The following NOL4L variants were observed in gnomAD, a reference collection of about 807,000 sequenced individuals.
The protein encoded by NOL4L is nucleolar protein 4 like.
NOL4L carries 7 observed loss-of-function variants against 64.5 expected under a neutral mutation model. That is an observed-to-expected ratio of 0.11 (90% confidence interval 0.06 to 0.20). The LOEUF (loss-of-function observed/expected upper bound fraction) is 0.20. Among genes scored for constraint, NOL4L ranks in the 10% least tolerant of loss-of-function variants. NOL4L has a pLI of 1.00. For missense variants in NOL4L, 680 were observed against 967.1 expected, an observed-to-expected ratio of 0.70 and a Z score of 3.94; for synonymous variants, 413 against 401.0, an observed-to-expected ratio of 1.03 and a Z score of -0.36.
chr20:32,499,905 C>T (rs2016850437), intron 4 of NOL4L, among the ~76,000 whole-genome samples: 1 of 151,902 alleles, frequency 6.6e-6, no homozygotes, highest in African/African-American at 2.4e-5. Flanking sequence ...GTAGCTGCTA[C>T]ATGAATAGTC....
intron 4 of NOL4L, among the ~76,000 whole-genome samples, chr20:32,494,367 TTC>T (rs2016603480): frequency 6.6e-6 from 1 of 150,868 alleles, no homozygotes; most frequent in Non-Finnish European, 1.5e-5. Flanking sequence ...AGGAACTGAG[TTC>T]TGTGTCTGGG....
intron 3 of NOL4L, among the ~76,000 whole-genome samples, chr20:32,514,765 G>A (rs1351499805): frequency 6.6e-6 from 1 of 152,132 alleles, no homozygotes; most frequent in Non-Finnish European, 1.5e-5. Context: ...CACTGAGATG[G>A]TATCGCTCAG....
At chr20:32,539,414 C>T (rs2018614872) in intron 1 of NOL4L, among the ~76,000 whole-genome samples, 2 of 152,168 alleles carry the variant, frequency 1.3e-5, no homozygotes, top group South Asian at 4.2e-4. Flanking sequence ...GGATTCCAGG[C>T]CTCACTCAGC....
chr20:32,481,793 C>T (rs1017402277), intron 4 of NOL4L, among the ~76,000 whole-genome samples: 1 of 152,208 alleles, frequency 6.6e-6, no homozygotes, highest in Admixed American at 6.5e-5. Flanking sequence ...GGGCCTGGGC[C>T]ATAAACGGGC....
intron 1 of NOL4L, among the ~76,000 whole-genome samples, chr20:32,555,285 T>G (rs1251401106): frequency 6.6e-6 from 1 of 152,174 alleles, no homozygotes; most frequent in Non-Finnish European, 1.5e-5. Flanking sequence ...TTAATGTGAC[T>G]GTATTTGTGG....
chr20:32,554,666 C>A (rs1012697333), intron 1 of NOL4L, among the ~76,000 whole-genome samples: 7 of 152,132 alleles, frequency 4.6e-5, no homozygotes, highest in African/African-American at 1.7e-4. Context: ...TTTCTCCTTG[C>A]CTCCCAGGAG....
chr20:32,487,089 T>C (rs2016120690), intron 4 of NOL4L, among the ~76,000 whole-genome samples: 1 of 151,872 alleles, frequency 6.6e-6, no homozygotes, highest in Non-Finnish European at 1.5e-5. Context: ...GCCAACATGG[T>C]GAAACCCAGT....
intron 4 of NOL4L, 188 bp from the exon 5 acceptor site, chr20:32,474,930 G>T: frequency 1.0e-6 from 1 of 985,450 alleles, no homozygotes; most frequent in Non-Finnish European, 1.2e-6. Context: ...CCCGGCTCTG[G>T]TTCCTGTCGG....
At chr20:32,475,033 C>T (rs2015296097) in intron 4 of NOL4L, 14 of 985,468 alleles carry the variant, frequency 1.4e-5, no homozygotes, top group Non-Finnish European at 1.7e-5. Context: ...TGGCTCTTAC[C>T]CTTGTGAGCC....
In NOL4L at chr20:32,488,827, T is replaced by TTCTCTTTCTTTCTTTCTTTC. The variant is rs11483298; in HGVS notation, c.700-14086_700-14085insGAAAGAAAGAAAGAAAGAGA. On this transcript the variant is annotated intron_variant, in intron 4 of 10. Coordinates refer to ENST00000621426, the MANE Select transcript of NOL4L (RefSeq NM_001256798.2). ...TCTTTTTCTTTCTTTCTTTCTTTCTTTTTCTTTCTTTCTTTCTTTCTTTCT... is the reference window on the plus strand; with the variant it reads ...TCTTTTTCTTTCTTTCTTTCTTTCTTTCTCTTTCTTTCTTTCTTTCTTTCTTTCTTTCTTTCTTTCTTTCT... Among the ~76,000 whole-genome samples, 7 of 33,152 alleles carry TTCTCTTTCTTTCTTTCTTTC rather than the reference T, an allele frequency of 2.1e-4. 1 individual carries two copies. In the South Asian group the frequency reaches 2.4e-3, roughly 12 times the overall value. 21.7% of individuals were successfully genotyped at this position (33,152 alleles called of 152,430 possible). A position where few individuals can be genotyped will look rare whatever the true frequency, so the allele number is the denominator to read the frequency against.
intron 10 of NOL4L, among the ~76,000 whole-genome samples, chr20:32,451,090 A>T (rs1186808833): frequency 6.6e-6 from 1 of 152,132 alleles, no homozygotes; most frequent in Non-Finnish European, 1.5e-5. Context: ...GGTCTCCTGC[A>T]GCCAAGGATG....
At chr20:32,487,985 A>G (rs939109911) in intron 4 of NOL4L, among the ~76,000 whole-genome samples, 6 of 150,184 alleles carry the variant, frequency 4.0e-5, no homozygotes, top group Non-Finnish European at 5.9e-5. Context: ...GCTGGAGTGC[A>G]GTGGCACGAT....
At chr20:32,461,416 CTTTTCTTTTTTTTTT>C (rs1247988975) in intron 5 of NOL4L, among the ~76,000 whole-genome samples, 2 of 61,162 alleles carry the variant, frequency 3.3e-5, no homozygotes, top group Non-Finnish European at 6.8e-5. Flanking sequence ...CTCTACCTTT[CTTTTCTTTTTTTTTT>C]TTTTTTTTTG....
rs176814 is a variant in NOL4L at position 32,498,767 on chromosome 20, A to T, written c.699+12580T>A. Among the ~76,000 whole-genome samples the T allele has an allele frequency of 3.3e-3, 125 of 37,562 alleles. No homozygotes were observed. The East Asian group carries it at 0.18, about 53-fold the overall frequency. 24.6% of individuals were successfully genotyped at this position (37,562 alleles called of 152,430 possible). A position where few individuals can be genotyped will look rare whatever the true frequency, so the allele number is the denominator to read the frequency against. On this transcript the variant is annotated intron_variant, in intron 4 of 10. Transcript: ENST00000621426. ...AACGGGAGTGAGACCCTGTCTCAAT[A>T]AAAAAAAAAAAAAAAAAAAAGAAAT... is the stretch of plus-strand genomic sequence containing the variant.
intron 1 of NOL4L, among the ~76,000 whole-genome samples, chr20:32,534,991 G>C (rs2145589533): frequency 6.6e-6 from 1 of 152,114 alleles, no homozygotes; most frequent in East Asian, 1.9e-4. Flanking sequence ...GAAGCAAGGG[G>C]GAGGAGTCAG....
At chr20:32,561,571 G>A (rs1187260898) in intron 1 of NOL4L, among the ~76,000 whole-genome samples, 1 of 152,130 alleles carries the variant, frequency 6.6e-6, no homozygotes, top group East Asian at 1.9e-4. Flanking sequence ...TCTCATGCCG[G>A]TGGCCCTGAG....
At position 32,584,762 on chromosome 20, in the gene NOL4L, C is replaced by T. The variant is rs919947088; in HGVS notation, c.129G>A (p.Thr43=). ...TCCGCTGGTATTTGCTGCGTGTCAC[C>T]GTCTTGGTTTTGGCCGAGTCGCCGT... ...RTYGDSAKTK[T]VTRSKYQRIA... is the part of the protein sequence containing the mutation. Residue 43 remains threonine (T), a synonymous_variant, in exon 1 of 11, where the codon ACG becomes ACA. Coordinates refer to ENST00000621426, the MANE Select transcript of NOL4L (RefSeq NM_001256798.2). 7 of 1,545,438 alleles carry T rather than the reference C, an allele frequency of 4.5e-6. No homozygotes were observed. The African/African-American group carries it at 9.6e-5, about 21-fold the overall frequency.
chr20:32,514,192 G>A (rs1047880145), intron 3 of NOL4L, among the ~76,000 whole-genome samples: 1 of 151,976 alleles, frequency 6.6e-6, no homozygotes, highest in African/African-American at 2.4e-5. Flanking sequence ...TTTGTTCTTT[G>A]AGGAAGAAGT....
chr20:32,527,237 A>G (rs775277461), intron 2 of NOL4L, among the ~76,000 whole-genome samples: 11 of 151,836 alleles, frequency 7.2e-5, no homozygotes, highest in Non-Finnish European at 1.0e-4. Context: ...CCCAAATCCA[A>G]TTGTGATCTC....
Sources: allele counts gnomAD v4.1 joint callset (sites outside exome capture counted in the v4.1 genomes callset), GRCh38; gene constraint gnomAD v4.1.1; transcripts MANE v1.5; gene names NCBI Gene and HGNC (gene_info 2026-07-23, HGNC 2026-07-21).